NPAT: variants seen among roughly 807,000 people sequenced by gnomAD.
NPAT encodes protein NPAT.
A neutral mutation model predicts 130.7 loss-of-function variants in NPAT; 52 were observed. That is an observed-to-expected ratio of 0.40 (90% CI 0.32 to 0.50). The LOEUF is 0.50. NPAT is among the 20% of genes least tolerant of loss of function. The probability of loss-of-function intolerance (pLI) is 0.68; values close to 1 mark genes in which losing one functional copy is unlikely to be tolerated. For missense variants in NPAT, 1,687 were observed against 1,662.6 expected (o/e 1.01, Z -0.26); for synonymous variants, 580 against 584.8 (o/e 0.99, Z 0.12).
rs566445051 is a variant in NPAT at position 108,204,276 on chromosome 11, G to A, written c.38-6856C>T. Among the ~76,000 whole-genome samples, 21 of 152,116 alleles carry A rather than the reference G, an allele frequency of 1.4e-4. 1 individual carries two copies. Among genetic ancestry groups the A allele is most frequent in the Non-Finnish European group, 3.1e-4 (21 of 68,018 alleles). ...TCCGGACAGAGTCCACAACTAGAAT[G>A]AAAACTTCCTCGATGCCTAAGGCCA... On this transcript the variant is annotated intron_variant, in intron 1 of 17. Transcript: ENST00000278612.
At chr11:108,214,695 C>A (rs1296429835) in intron 1 of NPAT, among the ~76,000 whole-genome samples, 3 of 148,882 alleles carry the variant, frequency 2.0e-5, no homozygotes, top group African/African-American at 7.5e-5. Flanking sequence ...TGCAATGATG[C>A]AATCTCGGCT....
chr11:108,219,150 T>C (rs963937004), intron 1 of NPAT, among the ~76,000 whole-genome samples: 6 of 152,160 alleles, frequency 3.9e-5, no homozygotes, highest in African/African-American at 9.7e-5. Context: ...GGCCTGCTAC[T>C]GGCTGGGCTC....
Position 108,189,080 on chromosome 11 carries a change from T to C in NPAT, c.556+26A>G, listed in dbSNP as rs2078137373. 4.4e-6 allele frequency: 7 copies of C among 1,575,356 alleles called. No individual in the cohort carries two copies. In the East Asian group the frequency reaches 1.3e-4, roughly 30 times the overall value. On this transcript the variant is annotated intron_variant, in intron 6 of 17. Coordinates refer to ENST00000278612, the MANE Select transcript of NPAT (RefSeq NM_002519.3). Reference sequence around the variant, plus strand: ...TCATACAATTTGATTAACAACAAAATTTAAGAGAACAAAATGTAAACTTAC... The same window carrying C: ...TCATACAATTTGATTAACAACAAAACTTAAGAGAACAAAATGTAAACTTAC...
At chr11:108,182,866 A>G (rs984128188) in intron 10 of NPAT, among the ~76,000 whole-genome samples, 7 of 152,276 alleles carry the variant, frequency 4.6e-5, no homozygotes, top group African/African-American at 1.7e-4. Flanking sequence ...TTACTTTCTT[A>G]CAATCCTTCA....
chr11:108,172,746 A>T lies in NPAT; in HGVS notation c.2238T>A (p.Asp746Glu), dbSNP rs201541696. The T allele has an allele frequency of 1.8e-4, 296 of 1,613,482 alleles. No homozygotes were observed. Among genetic ancestry groups the T allele is most frequent in the Non-Finnish European group, 2.4e-4 (284 of 1,180,028 alleles). Residue 746 changes from aspartate to glutamate, a missense_variant, in exon 13 of 18, where the codon GAT (aspartate) becomes GAA (glutamate). By Grantham distance (45) the Asp-to-Glu change is conservative (BLOSUM62 2). Transcript: ENST00000278612. ...NIVSLKVIIS[D>E]DPFVSSDTEL... ...CAGTATCTGAGGAAACAAATGGATC[A>T]TCACTAATGATAACTTTGAGAGAGA...
In NPAT at chr11:108,161,472, T is replaced by G. The variant is rs756865502; in HGVS notation, c.3614A>C (p.Gln1205Pro). 75 of 1,614,138 alleles carry G rather than the reference T, an allele frequency of 4.6e-5. No homozygotes were observed. Among genetic ancestry groups the G allele is most frequent in the Non-Finnish European group, 6.1e-5 (72 of 1,180,054 alleles). The part of the protein sequence containing the change: ...LRSEKSIASL[Q>P]EMTKKQGTSS... ...TGTGCCTTGTTTTTTGGTCATTTCT[T>G]GCAGTGAAGCTATAGATTTCTCACT... Residue 1205 changes from glutamine (Q) to proline (P), a missense_variant, in exon 17 of 18, where the codon CAA becomes CCA. Gln to Pro is a moderately conservative substitution (Grantham distance 76, BLOSUM62 -1). Coordinates refer to ENST00000278612, the MANE Select transcript of NPAT (RefSeq NM_002519.3).
intron 3 of NPAT, 129 bp from the exon 4 acceptor site, chr11:108,192,319 CTA>C (rs1393586974): frequency 1.2e-5 from 9 of 728,242 alleles, no homozygotes; most frequent in Admixed American, 2.0e-5. Flanking sequence ...AGAAATAAAT[CTA>C]TGTTGTAAAA....
chr11:108,180,542 C>CA (rs2078049573), intron 10 of NPAT, among the ~76,000 whole-genome samples: 1 of 150,614 alleles, frequency 6.6e-6, no homozygotes, highest in African/African-American at 2.5e-5. Flanking sequence ...ATCAAAGCAA[C>CA]AAAAAATGAC....
chr11:108,173,768 C>T lies in NPAT; in HGVS notation c.1216G>A (p.Asp406Asn), dbSNP rs2077978846. 1.2e-6 allele frequency: 2 copies of T among 1,614,104 alleles called. No homozygotes were observed. Among genetic ancestry groups the T allele is most frequent in the Non-Finnish European group, 1.7e-6 (2 of 1,180,026 alleles). Residue 406 changes from aspartate to asparagine, a missense_variant, in exon 13 of 18, where the codon GAT becomes AAT. Coordinates refer to ENST00000278612, the MANE Select transcript of NPAT (RefSeq NM_002519.3). The stretch of plus-strand genomic sequence containing the variant: ...TCCTGGTCTTCTTGTCTAAGCACAT[C>T]ATGGTTGTTGCTATTCTTCAAAGCA... The part of the protein sequence containing the change: ...LNALKNSNNH[D>N]VLRQEDQENF...
intron 1 of NPAT, among the ~76,000 whole-genome samples, chr11:108,210,658 T>G (rs1408032138): frequency 1.3e-5 from 2 of 152,152 alleles, no homozygotes; most frequent in African/African-American, 4.8e-5. Context: ...CTATGAGAAC[T>G]GACTCAAGAA....
At chr11:108,165,016 AAAAT>A (rs748279483) in intron 15 of NPAT, among the ~76,000 whole-genome samples, 5 of 152,192 alleles carry the variant, frequency 3.3e-5, no homozygotes, top group South Asian at 2.1e-4. Context: ...TCTCAAAAAT[AAAAT>A]AAATAAATAA....
rs534403022 is a variant in NPAT, at chr11:108,169,973, A to G, written c.2856T>C (p.Ser952=). 2 of 1,613,996 alleles carry G rather than the reference A, an allele frequency of 1.2e-6. No individual in the cohort carries two copies. Among genetic ancestry groups the G allele is most frequent in the South Asian group, 1.1e-5 (1 of 91,090 alleles). Reference sequence around the variant, plus strand: ...AGTTATTTCCATTCTGTCCAACCACAGATACTGGGATCATCCCTACCATTC... The same window carrying G: ...AGTTATTTCCATTCTGTCCAACCACGGATACTGGGATCATCCCTACCATTC... The part of the protein sequence containing the change: ...LQGMVGMIPV[S]VVGQNGNNFS... The change falls in exon 14 of 18, where the codon TCT becomes TCC. Residue 952 remains serine (S), a synonymous_variant. Coordinates refer to ENST00000278612, the MANE Select transcript of NPAT (RefSeq NM_002519.3).
At chr11:108,212,578 C>T (rs2078394440) in intron 1 of NPAT, among the ~76,000 whole-genome samples, 1 of 150,614 alleles carries the variant, frequency 6.6e-6, no homozygotes, top group South Asian at 2.1e-4. Context: ...CAAGATTACC[C>T]CTATTTGCAG....
chr11:108,188,239 A>G (rs999570644), intron 6 of NPAT, 60 bp from the exon 7 acceptor site: 1 of 1,217,198 alleles, frequency 8.2e-7, no homozygotes, highest in South Asian at 1.2e-5. Context: ...CTAAACTTGT[A>G]ATGGGATAAA....
chr11:108,196,010 A>T (rs2078216134), intron 2 of NPAT, among the ~76,000 whole-genome samples: 1 of 152,228 alleles, frequency 6.6e-6, no homozygotes, highest in Non-Finnish European at 1.5e-5. Flanking sequence ...TTGCCTTTAT[A>T]GCCCATGCTT....
At chr11:108,162,597 A>AT (rs1382364173) in intron 15 of NPAT, among the ~76,000 whole-genome samples, 1 of 152,034 alleles carries the variant, frequency 6.6e-6, no homozygotes, top group Non-Finnish European at 1.5e-5. Flanking sequence ...TGCTCAGCTA[A>AT]TTTTTTGTAT....
At chr11:108,218,902 ATAT>A (rs1474878282) in intron 1 of NPAT, among the ~76,000 whole-genome samples, 1 of 152,234 alleles carries the variant, frequency 6.6e-6, no homozygotes, top group Non-Finnish European at 1.5e-5. Context: ...ATGAGTACAT[ATAT>A]TATTAAATAA....
chr11:108,190,481 T>C lies in NPAT; in HGVS notation c.310A>G (p.Arg104Gly), dbSNP rs758931367. The C allele has an allele frequency of 1.1e-5, 17 of 1,613,880 alleles. No individual in the cohort carries two copies. Among genetic ancestry groups the C allele is most frequent in the Non-Finnish European group, 1.4e-5 (16 of 1,179,870 alleles). Residue 104 changes from arginine to glycine, a missense_variant, in exon 5 of 18, where the codon AGG (arginine) becomes GGG (glycine). Physicochemically the swap from Arg to Gly is moderately radical, Grantham distance 125. This residue lies in a region of NPAT where 307 missense variants were observed against 298.9 expected (regional missense o/e 1.03). Coordinates refer to ENST00000278612, the MANE Select transcript of NPAT (RefSeq NM_002519.3). The stretch of plus-strand genomic sequence containing the variant: ...CAACCTCTCTGACTGCCAGCAAACC[T>C]TGGGGAACTTTGCATGCTCCTAACA... ...SQIRSMQSSP[R>G]FAGSQRARTR...
rs369197687 is a variant in NPAT at position 108,173,656 on chromosome 11, G to A, written c.1328C>T (p.Thr443Ile). ...PTEQKCDIDI[T>I]FESVPNLNDF... ...ATTCAAATTAGGCACGGACTCAAAG[G>A]TAATGTCAATGTCACACTTCTGTTC... is the stretch of plus-strand genomic sequence containing the variant. Residue 443 changes from threonine to isoleucine, a missense_variant, in exon 13 of 18, where the codon ACC (threonine) becomes ATC (isoleucine). This residue lies in a region of NPAT where 1,379 missense variants were observed against 1,346.6 expected (regional missense o/e 1.02). Coordinates refer to ENST00000278612, the MANE Select transcript of NPAT (RefSeq NM_002519.3). 15 of 1,614,036 alleles carry A rather than the reference G, an allele frequency of 9.3e-6. No individual in the cohort carries two copies. In the African/African-American group the frequency reaches 9.3e-5, roughly 10 times the overall value.
Sources: gnomAD v4.1 joint callset for allele counts (sites outside exome capture counted in the v4.1 genomes callset) on GRCh38, gnomAD v4.1.1 for gene constraint, gnomAD v4.1.1 regional missense constraint, MANE v1.5 for transcripts, NCBI Gene and HGNC (gene_info 2026-07-23, HGNC 2026-07-21) for gene names.